MBNL3: variants seen among roughly 807,000 people sequenced by gnomAD.
MBNL3 encodes muscleblind like splicing regulator 3.
A neutral mutation model predicts 24.5 loss-of-function variants in MBNL3; 6 were observed. The ratio of observed to expected loss-of-function variants is 0.25; its 90% CI spans 0.13 to 0.48. The LOEUF is 0.48. Among genes scored for constraint, MBNL3 ranks in the 20% least tolerant of loss-of-function variants. The probability of loss-of-function intolerance (pLI) is 0.99; values close to 1 mark genes in which losing one functional copy is unlikely to be tolerated. For synonymous variants in MBNL3, 100 were observed against 101.7 expected (o/e 0.98, Z 0.10); for missense variants, 230 against 293.5 (o/e 0.78, Z 1.58).
intron 2 of MBNL3, chrX:132,433,010 G>C (rs779824406): frequency 8.9e-6 from 1 of 111,782 alleles, no homozygotes; most frequent in Non-Finnish European, 1.9e-5. Context: ...AAAAATATAC[G>C]TATCAGTAGA....
chrX:132,402,471 TG>T (rs1484850497), intron 3 of MBNL3, among the ~76,000 whole-genome samples: 1 of 112,076 alleles, frequency 8.9e-6, no homozygotes. Flanking sequence ...GGTAATCCAC[TG>T]TGCCTACTCT....
At position 132,441,737 on chromosome X, in the gene MBNL3, G is replaced by A. The variant is rs1174854461; in HGVS notation, c.-703-1423C>T. On this transcript the variant is annotated intron_variant, in intron 1 of 8. Coordinates refer to ENST00000370853, the MANE Select transcript of MBNL3 (RefSeq NM_001386889.1). ...AACTGTCTGACAGTTCCTCACTTCC[G>A]CAACTCAGTATATACCCAAAGTATC... Among the ~76,000 whole-genome samples, 3 of 111,452 alleles carry A rather than the reference G, an allele frequency of 2.7e-5. No individual in the cohort carries two copies. The East Asian group carries it at 8.4e-4, about 31-fold the overall frequency.
At chrX:132,489,542 G>A (rs1176933665), upstream of MBNL3, among the ~76,000 whole-genome samples, 4 of 111,317 alleles carry the variant, frequency 3.6e-5, no homozygotes, top group Non-Finnish European at 7.6e-5. Context: ...GCCCTCCGCC[G>A]GACGCCAGAC....
chrX:132,403,175 A>AT (rs761178504), intron 3 of MBNL3, among the ~76,000 whole-genome samples: 8 of 110,927 alleles, frequency 7.2e-5, no homozygotes, highest in South Asian at 3.8e-4. Flanking sequence ...CAATAAAGAA[A>AT]TTTTTTTTCC....
At chrX:132,387,383 T>C (rs780033065) in intron 5 of MBNL3, among the ~76,000 whole-genome samples, 196 of 108,510 alleles carry the variant, frequency 1.8e-3, no homozygotes, top group African/African-American at 6.4e-3. Context: ...TTAGACCTCA[T>C]TTGGGCAGGA....
chrX:132,421,686 C>T (rs17000240), intron 2 of MBNL3, among the ~76,000 whole-genome samples: 1,464 of 111,898 alleles, frequency 0.013, 21 homozygotes, highest in African/African-American at 0.043. Flanking sequence ...TTTAGCATAA[C>T]GAACATCCAC....
chrX:132,446,724 G>A (rs1475873242), intron 1 of MBNL3, among the ~76,000 whole-genome samples: 1 of 111,991 alleles, frequency 8.9e-6, no homozygotes, highest in African/African-American at 3.2e-5. Context: ...TCTGATGAGA[G>A]TTTCTTTTGC....
chrX:132,390,154 C>G (rs759123260), intron 5 of MBNL3, among the ~76,000 whole-genome samples: 2 of 106,834 alleles, frequency 1.9e-5, no homozygotes, highest in East Asian at 2.9e-4. Flanking sequence ...GATCACGCCA[C>G]TGCACCCTAG....
chrX:132,487,130 G>A (rs1025342185), intron 1 of MBNL3, among the ~76,000 whole-genome samples: 1 of 111,258 alleles, frequency 9.0e-6, no homozygotes, highest in African/African-American at 3.3e-5. Flanking sequence ...TCAAGGTTTA[G>A]TATTTTCACT....
chrX:132,482,111 T>C (rs1947770698), intron 1 of MBNL3, among the ~76,000 whole-genome samples: 1 of 112,286 alleles, frequency 8.9e-6, no homozygotes, highest in African/African-American at 3.2e-5. Context: ...GGCTGGTTAA[T>C]GGACACAAAA....
At chrX:132,443,526 T>A (rs767285843) in intron 1 of MBNL3, among the ~76,000 whole-genome samples, 59 of 112,282 alleles carry the variant, frequency 5.3e-4, no homozygotes, top group African/African-American at 1.7e-3. Context: ...GCATCTACTA[T>A]GTGCCAGGCA....
intron 2 of MBNL3, among the ~76,000 whole-genome samples, chrX:132,412,994 G>C (rs890053890): frequency 8.9e-6 from 1 of 112,402 alleles, no homozygotes; most frequent in African/African-American, 3.2e-5. Flanking sequence ...GGAAAAAAAG[G>C]GAGAGAAAAA....
chrX:132,396,847 C>CATATATATTCAT (rs1233393346), intron 3 of MBNL3, among the ~76,000 whole-genome samples: 1 of 16,538 alleles, frequency 6.0e-5, no homozygotes, highest in Non-Finnish European at 9.6e-5. Context: ...TTCATATATA[C>CATATATATTCAT]ATATATATTC....
chrX:132,404,243 T>C (rs1941421703), intron 3 of MBNL3, among the ~76,000 whole-genome samples: 1 of 111,774 alleles, frequency 8.9e-6, no homozygotes, highest in Admixed American at 9.5e-5. Flanking sequence ...TTATTAATTA[T>C]ACCTCAATAA....
rs1178194064 is a variant in MBNL3 at position 132,371,859 on chromosome X, T to C, written c.*7807A>G. 1 of 111,676 alleles carries C rather than the reference T, an allele frequency of 9.0e-6. No individual in the cohort carries two copies. The highest frequency in any genetic ancestry group is 2.8e-4 in the East Asian group (1 of 3,576). 9.2% of individuals were successfully genotyped at this position (111,676 alleles called of 1,213,427 possible). Reference sequence around the variant, plus strand: ...TATTTGGAAATAAATTTACTCTATGTATGAAATATAACATTGAGCCAAATC... The same window carrying C: ...TATTTGGAAATAAATTTACTCTATGCATGAAATATAACATTGAGCCAAATC... On this transcript the variant is annotated 3_prime_UTR_variant, in exon 9 of 9. Coordinates refer to ENST00000370853, the MANE Select transcript of MBNL3 (RefSeq NM_001386889.1).
chrX:132,411,130 GA>G (rs1942670001), intron 2 of MBNL3: 1 of 750,283 alleles, frequency 1.3e-6, no homozygotes. Context: ...GCTGAACGTT[GA>G]CCCCCATGGA....
intron 2 of MBNL3, among the ~76,000 whole-genome samples, chrX:132,420,621 T>C (rs899711237): frequency 9.0e-6 from 1 of 111,155 alleles, no homozygotes; most frequent in African/African-American, 3.3e-5. Context: ...GAGCTCTCTT[T>C]ACTACCTGAT....
At chrX:132,396,546 C>A (rs186993714) in intron 3 of MBNL3, among the ~76,000 whole-genome samples, 29 of 29,888 alleles carry the variant, frequency 9.7e-4, no homozygotes, top group East Asian at 9.0e-3. Context: ...ATATATATTC[C>A]TATATATTCC....
intron 2 of MBNL3, 33 bp downstream of exon 2, chrX:132,439,402 A>G: frequency 9.1e-7 from 1 of 1,101,463 alleles, no homozygotes; most frequent in South Asian, 2.7e-5. Flanking sequence ...GAAATCAACA[A>G]ATTTAAATTA....
Sources: gnomAD v4.1 joint callset for allele counts (sites outside exome capture counted in the v4.1 genomes callset) on GRCh38, gnomAD v4.1.1 for gene constraint, MANE v1.5 for transcripts, NCBI Gene and HGNC (gene_info 2026-07-23, HGNC 2026-07-21) for gene names.